Variants in MEDAG observed in about 807,000 individuals in gnomAD.
MEDAG encodes mesenteric estrogen-dependent adipogenesis protein.
A neutral mutation model predicts 29.9 loss-of-function variants in MEDAG; 25 were observed. The observed-to-expected ratio is 0.84, with a 90% CI of 0.61 to 1.17. The LOEUF is 1.17. MEDAG is among the 50% of genes most tolerant of loss of function. The pLI is 0.00. For synonymous variants in MEDAG, 158 were observed against 148.2 expected, an observed-to-expected ratio of 1.07 and a Z score of -0.48; for missense variants, 398 against 372.9, an observed-to-expected ratio of 1.07 and a Z score of -0.56.
At chr13:30,913,722 T>C (rs1392868102) in intron 1 of MEDAG, among the ~76,000 whole-genome samples, 2 of 152,154 alleles carry the variant, frequency 1.3e-5, no homozygotes, top group Non-Finnish European at 2.9e-5. Flanking sequence ...GTAGAAGCAA[T>C]ATTTGCATTA....
In MEDAG at chr13:30,906,793, G is replaced by A. The variant is rs1301758239; in HGVS notation, c.278G>A (p.Arg93Lys). 4 of 1,481,000 alleles carry A rather than the reference G, an allele frequency of 2.7e-6. No homozygotes were observed. Among genetic ancestry groups the A allele is most frequent in the South Asian group, 2.7e-5 (2 of 72,842 alleles). 91.7% of individuals were successfully genotyped at this position (1,481,000 alleles called of 1,614,324 possible). The stretch of plus-strand genomic sequence containing the variant: ...TACCGCCTCAGCAGCTACATCAAGA[G>A]GTGGGTGGCCTCGCCGTGCGCCCTG... The part of the protein sequence containing the change: ...QLYRLSSYIK[R>K]YVELTNYCDY... The change falls in exon 1 of 5, where the codon AGG becomes AAG. Residue 93 changes from arginine (R) to lysine (K), a missense_variant and splice_region_variant. Physicochemically the swap from Arg to Lys is conservative, Grantham distance 26. Transcript: ENST00000380482.
At chr13:30,906,864 C>G (rs1437139312) in intron 1 of MEDAG, 71 bp downstream of exon 1, 7 of 1,379,728 alleles carry the variant, frequency 5.1e-6, no homozygotes, top group South Asian at 1.6e-5. Context: ...GCTGCGGTCT[C>G]TGGGAGCCTG....
chr13:30,908,057 G>A (rs1343946), intron 1 of MEDAG, among the ~76,000 whole-genome samples: 2 of 151,956 alleles, frequency 1.3e-5, no homozygotes, highest in South Asian at 2.1e-4. Flanking sequence ...TTGAGAGCAG[G>A]GTATGAAAAA....
intron 1 of MEDAG, among the ~76,000 whole-genome samples, chr13:30,910,193 A>ACACACACACACAC (rs1555264548): frequency 4.0e-5 from 6 of 149,168 alleles, no homozygotes; most frequent in South Asian, 4.3e-4. Context: ...CACACACACA[A>ACACACACACACAC]ACACACACAC....
intron 1 of MEDAG, among the ~76,000 whole-genome samples, chr13:30,912,063 T>C (rs1952096451): frequency 6.6e-6 from 1 of 152,202 alleles, no homozygotes; most frequent in Non-Finnish European, 1.5e-5. Flanking sequence ...ACACAGTAGG[T>C]ACTCAGTAAT....
chr13:30,917,321 G>A (rs1421705332), intron 1 of MEDAG, 82 bp from the exon 2 acceptor site: 15 of 834,790 alleles, frequency 1.8e-5, no homozygotes, highest in Middle Eastern at 2.2e-4. Flanking sequence ...TGTGGCTGTG[G>A]CAGATACCTG....
intron 4 of MEDAG, chr13:30,922,713 G>A (rs1953000342): frequency 1.3e-5 from 2 of 152,250 alleles, no homozygotes; most frequent in Admixed American, 1.3e-4. Context: ...AATCATGCAT[G>A]GCTTGTCTGG....
chr13:30,909,386 T>C (rs941129236), intron 1 of MEDAG, among the ~76,000 whole-genome samples: 1 of 152,126 alleles, frequency 6.6e-6, no homozygotes, highest in African/African-American at 2.4e-5. Flanking sequence ...CTTAATGGGT[T>C]GGAGCCTAGA....
intron 1 of MEDAG, among the ~76,000 whole-genome samples, chr13:30,913,588 A>C (rs1360793438): frequency 6.6e-6 from 1 of 152,100 alleles, no homozygotes; most frequent in Admixed American, 6.6e-5. Context: ...TTCACCCCAG[A>C]AGCATTTTGG....
chr13:30,917,507 CA>C lies in MEDAG; in HGVS notation c.387del (p.Glu130LysfsTer8). 1 of 1,551,332 alleles carries C rather than the reference CA, an allele frequency of 6.4e-7. No homozygotes were observed. Among genetic ancestry groups the C allele is most frequent in the Non-Finnish European group, 8.9e-7 (1 of 1,123,600 alleles). ...FINVQTKKDT[S>X]KERTYAFLVN... Reference sequence around the variant, plus strand: ...AATGTACAGACCAAAAAAGACACCTCAAAAGGTAAGTATCTATATTAGTCCA... The same window carrying C: ...AATGTACAGACCAAAAAAGACACCTCAAAGGTAAGTATCTATATTAGTCCA... On this transcript the variant is annotated frameshift_variant, in exon 2 of 5. Coordinates refer to ENST00000380482, the MANE Select transcript of MEDAG (RefSeq NM_032849.4). LOFTEE classifies it high-confidence loss of function.
intron 1 of MEDAG, among the ~76,000 whole-genome samples, chr13:30,911,423 C>A (rs929608223): frequency 6.6e-6 from 1 of 152,110 alleles, no homozygotes; most frequent in African/African-American, 2.4e-5. Context: ...CTACTCTCAG[C>A]CCCCCTGGTC....
chr13:30,915,950 C>T (rs1952924087), intron 1 of MEDAG: 1 of 152,222 alleles, frequency 6.6e-6, no homozygotes, highest in African/African-American at 2.4e-5. Flanking sequence ...TGTTCCCCTC[C>T]CTACCCCAGG....
chr13:30,909,421 G>T (rs182134376), intron 1 of MEDAG, among the ~76,000 whole-genome samples: 1 of 152,034 alleles, frequency 6.6e-6, no homozygotes, highest in Non-Finnish European at 1.5e-5. Flanking sequence ...GTGACTTTTC[G>T]TCTTCTTTGC....
At chr13:30,909,933 G>T (rs1952865678) in intron 1 of MEDAG, among the ~76,000 whole-genome samples, 1 of 152,150 alleles carries the variant, frequency 6.6e-6, no homozygotes, top group Non-Finnish European at 1.5e-5. Context: ...GTAACCTAAA[G>T]AAATCCAGCA....
chr13:30,921,546 T>G lies in MEDAG; in HGVS notation c.502-15T>G. On this transcript the variant is annotated splice_polypyrimidine_tract_variant and intron_variant, in intron 3 of 4. Transcript: ENST00000380482. ...TATGTCCATTAAGTCAATGCAATGT[T>G]CCTCTCTCTTTCAGTTTGATTTTCA... 1 of 1,589,552 alleles carries G rather than the reference T, an allele frequency of 6.3e-7. No homozygotes were observed. The highest frequency in any genetic ancestry group is 1.2e-5 in the South Asian group (1 of 85,206).
intron 2 of MEDAG, among the ~76,000 whole-genome samples, chr13:30,919,634 C>T (rs73165059): frequency 0.095 from 14,446 of 152,224 alleles, 724 homozygotes; most frequent in African/African-American, 0.12. Flanking sequence ...GTAAGAAAAA[C>T]GAGATGAATA....
At chr13:30,907,420 G>A (rs1403366206) in intron 1 of MEDAG, among the ~76,000 whole-genome samples, 1 of 152,246 alleles carries the variant, frequency 6.6e-6, no homozygotes, top group Non-Finnish European at 1.5e-5. Context: ...GCACAGATAA[G>A]TTCTGGGGAA....
At chr13:30,914,799 G>A (rs1024999198) in intron 1 of MEDAG, among the ~76,000 whole-genome samples, 1 of 152,192 alleles carries the variant, frequency 6.6e-6, no homozygotes, top group African/African-American at 2.4e-5. Context: ...TGTACGCAGA[G>A]GGACATACTG....
intron 4 of MEDAG, 135 bp downstream of exon 4, chr13:30,921,981 T>A: frequency 1.0e-6 from 1 of 975,774 alleles, no homozygotes; most frequent in Non-Finnish European, 1.5e-6. Flanking sequence ...ATTCAGAAAG[T>A]AAGAAGTGGG....
Sources: allele counts gnomAD v4.1 joint callset (sites outside exome capture counted in the v4.1 genomes callset), GRCh38; gene constraint gnomAD v4.1.1; transcripts MANE v1.5; gene names NCBI Gene and HGNC (gene_info 2026-07-23, HGNC 2026-07-21).